Variants in UBA6 observed in about 807,000 individuals in gnomAD.
The protein encoded by UBA6 is ubiquitin-like modifier-activating enzyme 6.
In UBA6, 87 loss-of-function variants were observed where a neutral mutation model predicts 148.3. The observed-to-expected ratio is 0.59, with a 90% confidence interval of 0.49 to 0.70. The LOEUF is 0.70. Among genes scored for constraint, UBA6 ranks in the 30% least tolerant of loss-of-function variants. The probability of loss-of-function intolerance (pLI) is 0.00; values close to 1 mark genes in which losing one functional copy is unlikely to be tolerated. For synonymous variants in UBA6, 376 were observed against 401.0 expected (o/e 0.94, Z 0.75); for missense variants, 1,186 against 1,241.2 (o/e 0.96, Z 0.67).
rs969429446 is a variant in UBA6, at chr4:67,616,319, T to C, written c.*2678A>G. The stretch of plus-strand genomic sequence containing the variant: ...GATTTAGGTCACGAGATTTTTTTTT[T>C]CCCTAAAAATTTCAAAAGAACAATT... On this transcript the variant is annotated 3_prime_UTR_variant, in exon 33 of 33. Coordinates refer to ENST00000322244, the MANE Select transcript of UBA6 (RefSeq NM_018227.6). 31 of 380,406 alleles carry C rather than the reference T, an allele frequency of 8.1e-5. No homozygotes were observed. The highest frequency in any genetic ancestry group is 1.0e-4 in the African/African-American group (5 of 48,224). 23.6% of individuals were successfully genotyped at this position (380,406 alleles called of 1,614,324 possible). A position where few individuals can be genotyped will look rare whatever the true frequency, so the allele number is the denominator to read the frequency against.
intron 2 of UBA6, among the ~76,000 whole-genome samples, chr4:67,686,011 A>C (rs892001849): frequency 2.6e-5 from 4 of 152,332 alleles, no homozygotes; most frequent in African/African-American, 4.8e-5. Flanking sequence ...GAAGTTCATA[A>C]TGTTAACAGG....
intron 4 of UBA6, among the ~76,000 whole-genome samples, chr4:67,680,762 G>C (rs1193104791): frequency 6.6e-6 from 1 of 152,114 alleles, no homozygotes; most frequent in South Asian, 2.1e-4. Context: ...GACTTGTCTT[G>C]TTAACACACT....
chr4:67,630,120 T>A (rs1322591083), intron 26 of UBA6, among the ~76,000 whole-genome samples: 6 of 152,154 alleles, frequency 3.9e-5, no homozygotes, highest in Admixed American at 3.9e-4. Context: ...CTACGCAGTA[T>A]TTCAAAATTG....
intron 2 of UBA6, among the ~76,000 whole-genome samples, chr4:67,684,050 T>G (rs1730502995): frequency 6.6e-6 from 1 of 152,158 alleles, no homozygotes; most frequent in Admixed American, 6.5e-5. Flanking sequence ...GCACTCCAGC[T>G]TGGGCGACGG....
intron 13 of UBA6, among the ~76,000 whole-genome samples, chr4:67,654,388 T>C (rs9996182): frequency 0.011 from 1,742 of 152,262 alleles, 40 homozygotes; most frequent in African/African-American, 0.04. Context: ...ATATTCAACA[T>C]TGTTAAAGAA....
chr4:67,618,410 C>A lies in UBA6; in HGVS notation c.*587G>T, dbSNP rs539856965. ...AACAAAAATCCTGATTTTGGGGACA[C>A]AGTGATATAACAAACTGGTTAAACG... is the stretch of plus-strand genomic sequence containing the variant. On this transcript the variant is annotated 3_prime_UTR_variant, in exon 33 of 33. Transcript: ENST00000322244. 7 of 152,768 alleles carry A rather than the reference C, an allele frequency of 4.6e-5. No homozygotes were observed. The East Asian group carries it at 1.4e-3, about 30-fold the overall frequency. The allele number at this position is 152,768 out of a possible 1,614,324, so 9.5% of individuals were successfully genotyped here. A position where few individuals can be genotyped will look rare whatever the true frequency, so the allele number is the denominator to read the frequency against.
In UBA6 at chr4:67,618,615, A is replaced by T. The variant is rs968596516; in HGVS notation, c.*382T>A. The T allele has an allele frequency of 6.4e-6, 1 of 156,066 alleles. No individual in the cohort carries two copies. The highest frequency in any genetic ancestry group is 2.4e-5 in the African/African-American group (1 of 41,600). 9.7% of individuals were successfully genotyped at this position (156,066 alleles called of 1,614,324 possible). A position where few individuals can be genotyped will look rare whatever the true frequency, so the allele number is the denominator to read the frequency against. On this transcript the variant is annotated 3_prime_UTR_variant, in exon 33 of 33. Transcript: ENST00000322244. Reference sequence around the variant, plus strand: ...GTCTTCAAGACTAAACAAAAAAGAAATTCATAAAATTAAACTTTTTGAATA... The same window carrying T: ...GTCTTCAAGACTAAACAAAAAAGAATTTCATAAAATTAAACTTTTTGAATA...
At position 67,616,448 on chromosome 4, in the gene UBA6, C is replaced by T. The variant is rs1232063847; in HGVS notation, c.*2549G>A. ...TAGTAGATTAAAAAATAAAGATATA[C>T]ATTTATTTCCATGTCCTACCTTTGG... On this transcript the variant is annotated 3_prime_UTR_variant, in exon 33 of 33. Coordinates refer to ENST00000322244, the MANE Select transcript of UBA6 (RefSeq NM_018227.6). 3 of 242,690 alleles carry T rather than the reference C, an allele frequency of 1.2e-5. No homozygotes were observed. Among genetic ancestry groups the T allele is most frequent in the African/African-American group, 2.2e-5 (1 of 45,330 alleles). The allele number at this position is 242,690 out of a possible 1,614,324, so 15.0% of individuals were successfully genotyped here.
intron 19 of UBA6, among the ~76,000 whole-genome samples, chr4:67,637,842 T>G (rs1729202429): frequency 6.6e-6 from 1 of 151,836 alleles, no homozygotes; most frequent in Non-Finnish European, 1.5e-5. Context: ...ACCAGAGACC[T>G]TTGTTCACTT....
intron 13 of UBA6, among the ~76,000 whole-genome samples, chr4:67,661,445 G>C (rs928009430): frequency 6.6e-6 from 1 of 152,112 alleles, no homozygotes; most frequent in African/African-American, 2.4e-5. Flanking sequence ...ACACTGTCCT[G>C]CCACCCTGTG....
chr4:67,659,843 T>C (rs1445833316), intron 13 of UBA6, among the ~76,000 whole-genome samples: 3 of 152,076 alleles, frequency 2.0e-5, no homozygotes, highest in South Asian at 2.1e-4. Flanking sequence ...AAAATGCTGA[T>C]AGTGATATGG....
chr4:67,646,122 T>A, intron 15 of UBA6, 106 bp from the exon 16 acceptor site: 1 of 572,110 alleles, frequency 1.7e-6, no homozygotes, highest in Non-Finnish European at 2.8e-6. Flanking sequence ...AAATATTCTT[T>A]AAAAGTTTCC....
chr4:67,684,184 C>T (rs1730506451), intron 2 of UBA6, among the ~76,000 whole-genome samples: 1 of 152,216 alleles, frequency 6.6e-6, no homozygotes, highest in South Asian at 2.1e-4. Context: ...CACAACCTGG[C>T]TGTGCAGGCT....
intron 28 of UBA6, among the ~76,000 whole-genome samples, 156 bp downstream of exon 28, chr4:67,626,200 CAGTT>C (rs1269108247): frequency 6.6e-6 from 1 of 151,874 alleles, no homozygotes; most frequent in African/African-American, 2.4e-5. Flanking sequence ...AATTTAGTCA[CAGTT>C]AAAGATGAAC....
intron 23 of UBA6, among the ~76,000 whole-genome samples, chr4:67,633,018 C>T (rs1259078068): frequency 6.6e-6 from 1 of 151,946 alleles, no homozygotes; most frequent in South Asian, 2.1e-4. Flanking sequence ...TTTATCTTTA[C>T]CACTACCTTA....
Position 67,677,603 on chromosome 4 carries a change from G to A in UBA6, c.465+8C>T, listed in dbSNP as rs1251031588. ...TCAATAACATTTAATACAAAATGGA[G>A]TACTAACCTGGTATTTATCTAAAAA... On this transcript the variant is annotated splice_region_variant and intron_variant, in intron 6 of 32. Coordinates refer to ENST00000322244, the MANE Select transcript of UBA6 (RefSeq NM_018227.6). The A allele has an allele frequency of 4.3e-6, 6 of 1,380,990 alleles. No individual in the cohort carries two copies. Among genetic ancestry groups the A allele is most frequent in the South Asian group, 1.2e-5 (1 of 82,122 alleles). The allele number at this position is 1,380,990 out of a possible 1,614,324, so 85.5% of individuals were successfully genotyped here.
intron 6 of UBA6, among the ~76,000 whole-genome samples, chr4:67,675,849 T>C (rs548360613): frequency 1.2e-4 from 19 of 152,186 alleles, no homozygotes; most frequent in Admixed American, 1.2e-3. Context: ...TGACTCTTGG[T>C]CATATTGAGC....
intron 18 of UBA6, among the ~76,000 whole-genome samples, chr4:67,640,855 A>G (rs1157856025): frequency 1.3e-5 from 2 of 152,176 alleles, no homozygotes; most frequent in African/African-American, 4.8e-5. Context: ...AATTAGAAAC[A>G]TATTTCTATA....
intron 17 of UBA6, among the ~76,000 whole-genome samples, chr4:67,642,053 G>C (rs370274487): frequency 1.3e-5 from 2 of 151,886 alleles, no homozygotes; most frequent in South Asian, 4.2e-4. Flanking sequence ...ATTATGTTAG[G>C]GAGTGTCTCT....
Sources: gnomAD v4.1 joint callset for allele counts (sites outside exome capture counted in the v4.1 genomes callset) on GRCh38, gnomAD v4.1.1 for gene constraint, MANE v1.5 for transcripts, NCBI Gene and HGNC (gene_info 2026-07-23, HGNC 2026-07-21) for gene names.